PCDH15: variants seen among roughly 807,000 people sequenced by gnomAD.
PCDH15 encodes protocadherin related 15.
A neutral mutation model predicts 178.5 loss-of-function variants in PCDH15; 129 were observed. The observed-to-expected ratio is 0.72, with a 90% CI of 0.63 to 0.84. PCDH15 has a LOEUF of 0.84. Among genes scored for constraint, PCDH15 ranks in the 40% least tolerant of loss-of-function variants. The pLI, the probability that PCDH15 is intolerant of heterozygous loss-of-function variation, is 0.00. For missense variants in PCDH15, 2,230 were observed against 2,099.9 expected (o/e 1.06, Z -1.21); for synonymous variants, 800 against 732.0 (o/e 1.09, Z -1.50).
At chr10:54,114,503 T>C (rs371225924) in intron 15 of PCDH15, among the ~76,000 whole-genome samples, 4 of 152,144 alleles carry the variant, frequency 2.6e-5, no homozygotes. Flanking sequence ...GGCACTGTTG[T>C]AGTTACTAGG....
chr10:54,102,852 T>C (rs2094837094), intron 15 of PCDH15, among the ~76,000 whole-genome samples: 1 of 152,160 alleles, frequency 6.6e-6, no homozygotes, highest in African/African-American at 2.4e-5. Flanking sequence ...CCATTAATTA[T>C]CTGACCTCTA....
intron 2 of PCDH15, among the ~76,000 whole-genome samples, chr10:55,135,118 T>C (rs539616112): frequency 1.2e-4 from 19 of 152,288 alleles, no homozygotes; most frequent in African/African-American, 4.6e-4. Context: ...CCATTGAGTT[T>C]CTTTTTTTGC....
chr10:55,355,819 C>A (rs2244963), intron 2 of PCDH15, among the ~76,000 whole-genome samples: 3,885 of 151,918 alleles, frequency 0.026, 165 homozygotes, highest in African/African-American at 0.088. Context: ...ACCTACTAAT[C>A]ATAACATCTA....
chr10:54,397,501 C>T (rs1951395996), intron 3 of PCDH15, among the ~76,000 whole-genome samples: 1 of 151,964 alleles, frequency 6.6e-6, no homozygotes, highest in Non-Finnish European at 1.5e-5. Context: ...AAAGTCTTGC[C>T]TGTTTAACTC....
chr10:55,176,291 A>G (rs1839483505), intron 1 of PCDH15, among the ~76,000 whole-genome samples: 1 of 152,090 alleles, frequency 6.6e-6, no homozygotes, highest in African/African-American at 2.4e-5. Context: ...TGCCTTTTAA[A>G]TCATGCCTGA....
At chr10:55,367,766 A>G (rs1247931152) in intron 2 of PCDH15, among the ~76,000 whole-genome samples, 1 of 152,134 alleles carries the variant, frequency 6.6e-6, no homozygotes, top group Admixed American at 6.6e-5. Flanking sequence ...GGAAGTCCCT[A>G]GTTAGAGAAA....
At chr10:55,173,307 TTATGTGTG>T (rs971771161) in intron 1 of PCDH15, among the ~76,000 whole-genome samples, 5 of 64,096 alleles carry the variant, frequency 7.8e-5, no homozygotes, top group African/African-American at 2.4e-4. Flanking sequence ...ATTAGAAAGA[TTATGTGTG>T]TGTGTGTGTG....
chr10:54,857,446 T>G (rs547868499), intron 3 of PCDH15, among the ~76,000 whole-genome samples: 22 of 152,224 alleles, frequency 1.4e-4, no homozygotes, highest in African/African-American at 4.8e-4. Context: ...TTTATTTGAT[T>G]TAAATACTTT....
At position 53,976,002 on chromosome 10, in the gene PCDH15, T is replaced by C. The variant is rs374086525; in HGVS notation, c.2869-14110A>G. Reference sequence around the variant, plus strand: ...TTCTGCATATGGCTAGCGAGTATACTAGCACCATTCACTGAATAGGCAATT... The same window carrying C: ...TTCTGCATATGGCTAGCGAGTATACCAGCACCATTCACTGAATAGGCAATT... On this transcript the variant is annotated intron_variant, in intron 21 of 37. Transcript: ENST00000644397. 6.2e-4 allele frequency among the ~76,000 whole-genome samples: 94 copies of C among 152,300 alleles called. No homozygotes were observed. In the Middle Eastern group the frequency reaches 0.01, roughly 17 times the overall value.
chr10:53,854,507 A>G (rs1053567076), intron 28 of PCDH15, among the ~76,000 whole-genome samples: 2 of 152,000 alleles, frequency 1.3e-5, no homozygotes, highest in Non-Finnish European at 2.9e-5. Context: ...CATGAGATAG[A>G]GGTCTTTATT....
At chr10:54,768,262 C>T (rs1472140165) in intron 1 of PCDH15, among the ~76,000 whole-genome samples, 3 of 152,060 alleles carry the variant, frequency 2.0e-5, no homozygotes, top group South Asian at 2.1e-4. Context: ...TTGCAATAAG[C>T]TGCTTGGGCA....
intron 2 of PCDH15, among the ~76,000 whole-genome samples, chr10:55,476,356 A>G (rs1416475159): frequency 1.3e-5 from 2 of 152,028 alleles, no homozygotes; most frequent in Non-Finnish European, 2.9e-5. Flanking sequence ...CAGCAGTCAA[A>G]TGAGTCATTT....
intron 2 of PCDH15, among the ~76,000 whole-genome samples, chr10:55,515,243 T>C (rs1222973736): frequency 6.6e-6 from 1 of 151,902 alleles, no homozygotes; most frequent in African/African-American, 2.4e-5. Flanking sequence ...CCTTCCAAAG[T>C]GCTAGGATTA....
intron 13 of PCDH15, among the ~76,000 whole-genome samples, chr10:54,181,720 G>A (rs960011336): frequency 9.2e-5 from 14 of 152,084 alleles, no homozygotes; most frequent in African/African-American, 3.4e-4. Flanking sequence ...AATGTGACAA[G>A]TACCATACCA....
intron 8 of PCDH15, among the ~76,000 whole-genome samples, chr10:54,311,905 T>C (rs1391061900): frequency 1.3e-5 from 2 of 152,124 alleles, no homozygotes; most frequent in African/African-American, 2.4e-5. Flanking sequence ...TAATAGACTA[T>C]ATTTTTAAAA....
chr10:55,621,937 CT>C (rs1213805860), intron 2 of PCDH15, among the ~76,000 whole-genome samples: 2 of 147,466 alleles, frequency 1.4e-5, no homozygotes, highest in African/African-American at 2.5e-5. Flanking sequence ...CATTGAAACC[CT>C]TTTTAAAGAT....
intron 7 of PCDH15, among the ~76,000 whole-genome samples, chr10:54,326,617 A>C (rs1299624395): frequency 1.3e-5 from 2 of 152,278 alleles, no homozygotes; most frequent in Non-Finnish European, 1.5e-5. Context: ...GGAAATTAAC[A>C]TACAAAGCAT....
In PCDH15 at chr10:54,089,853, T is replaced by C. The variant is rs182443586; in HGVS notation, c.1997+131A>G. 1.4e-4 allele frequency: 102 copies of C among 713,698 alleles called. No homozygotes were observed. In the African/African-American group the frequency reaches 1.6e-3, roughly 11 times the overall value. 44.2% of individuals were successfully genotyped at this position (713,698 alleles called of 1,614,324 possible). ...CTCAGAATTATCCTCCCAGCTACCA[T>C]TAGCATTCATAGAAAACAGAAAGGG... is the stretch of plus-strand genomic sequence containing the variant. On this transcript the variant is annotated intron_variant, in intron 16 of 37. Coordinates refer to ENST00000644397, the MANE Select transcript of PCDH15 (RefSeq NM_001384140.1).
chr10:53,879,842 T>A (rs1398802024), intron 26 of PCDH15, among the ~76,000 whole-genome samples: 12 of 152,170 alleles, frequency 7.9e-5, no homozygotes, highest in Middle Eastern at 3.4e-3. Flanking sequence ...TGGCCTCATG[T>A]GGTTTTGCCA....
Sources: gnomAD v4.1 joint callset for allele counts (sites outside exome capture counted in the v4.1 genomes callset) on GRCh38, gnomAD v4.1.1 for gene constraint, MANE v1.5 for transcripts, NCBI Gene and HGNC (gene_info 2026-07-23, HGNC 2026-07-21) for gene names.